AGBL4: variants seen among roughly 807,000 people sequenced by gnomAD.
AGBL4 encodes AGBL carboxypeptidase 4.
In AGBL4, 58 loss-of-function variants were observed where a neutral mutation model predicts 66.4. That is an observed-to-expected ratio of 0.87 (90% CI 0.71 to 1.09). The LOEUF (loss-of-function observed/expected upper bound fraction) is 1.09, where lower values mean the gene tolerates loss of function less well. AGBL4 is among the 50% of genes least tolerant of loss of function. AGBL4 has a pLI of 0.00. For synonymous variants in AGBL4, 234 were observed against 222.9 expected (o/e 1.05, Z -0.44); for missense variants, 579 against 631.0 (o/e 0.92, Z 0.88).
intron 3 of AGBL4, among the ~76,000 whole-genome samples, chr1:49,418,816 G>A (rs1338607259): frequency 2.0e-5 from 3 of 152,218 alleles, no homozygotes; most frequent in African/African-American, 7.2e-5. Flanking sequence ...CGGCATGGTA[G>A]GCCTTGTAAG....
Position 48,668,988 on chromosome 1 carries a change from G to A in AGBL4, c.635-5747C>T, listed in dbSNP as rs1646233953. On this transcript the variant is annotated intron_variant, in intron 6 of 13. Transcript: ENST00000371839. ...CATTCAGGGTTAGCTCTGCCTCAGT[G>A]TTTGATGGGTGGATCCAACAAGAGG... Among the ~76,000 whole-genome samples, 2 of 152,198 alleles carry A rather than the reference G, an allele frequency of 1.3e-5. 1 individual carries two copies. Among genetic ancestry groups the A allele is most frequent in the African/African-American group, 4.8e-5 (2 of 41,466 alleles).
At chr1:49,119,754 G>T (rs909142846) in intron 4 of AGBL4, among the ~76,000 whole-genome samples, 1 of 152,112 alleles carries the variant, frequency 6.6e-6, no homozygotes, top group African/African-American at 2.4e-5. Flanking sequence ...GGATATCTTT[G>T]TTACCCTGCT....
chr1:48,779,625 C>T (rs1317831580), intron 6 of AGBL4, among the ~76,000 whole-genome samples: 1 of 151,722 alleles, frequency 6.6e-6, no homozygotes, highest in Non-Finnish European at 1.5e-5. Flanking sequence ...GTTTATAAAA[C>T]AAATGTATTA....
At chr1:49,512,576 C>A (rs901891379) in intron 3 of AGBL4, among the ~76,000 whole-genome samples, 7 of 151,822 alleles carry the variant, frequency 4.6e-5, no homozygotes, top group Non-Finnish European at 7.4e-5. Context: ...CACCATGTGA[C>A]ATACCTGCTC....
At chr1:49,168,301 G>A (rs1214120084) in intron 4 of AGBL4, among the ~76,000 whole-genome samples, 2 of 152,136 alleles carry the variant, frequency 1.3e-5, no homozygotes, top group South Asian at 2.1e-4. Flanking sequence ...TAATGTAAAT[G>A]TCCAGTGTTT....
At chr1:49,700,835 G>T (rs1016498224) in intron 2 of AGBL4, among the ~76,000 whole-genome samples, 2 of 151,828 alleles carry the variant, frequency 1.3e-5, no homozygotes, top group African/African-American at 4.8e-5. Context: ...TACACATGTG[G>T]ATAAAGATCA....
intron 4 of AGBL4, among the ~76,000 whole-genome samples, chr1:49,161,046 C>A (rs570147498): frequency 6.6e-6 from 1 of 152,276 alleles, no homozygotes; most frequent in African/African-American, 2.4e-5. Flanking sequence ...AGCCCCCTTT[C>A]CAGGGGAGTG....
chr1:49,642,073 A>G (rs1313571165), intron 3 of AGBL4, among the ~76,000 whole-genome samples: 2 of 152,040 alleles, frequency 1.3e-5, no homozygotes, highest in African/African-American at 4.8e-5. Context: ...GGGAGCAATT[A>G]GAGTAATATT....
intron 3 of AGBL4, among the ~76,000 whole-genome samples, chr1:49,346,333 G>A (rs1228912947): frequency 1.3e-5 from 2 of 152,134 alleles, no homozygotes; most frequent in Admixed American, 1.3e-4. Flanking sequence ...CTGCTCAGAG[G>A]AAACAAGAGG....
chr1:48,628,919 T>A (rs1408979401), intron 9 of AGBL4, among the ~76,000 whole-genome samples: 1 of 144,976 alleles, frequency 6.9e-6, no homozygotes, highest in Admixed American at 7.2e-5. Context: ...TGCCTGGAAT[T>A]AAAATTTCAT....
At position 49,461,439 on chromosome 1, in the gene AGBL4, G is replaced by A. The variant is rs140885190; in HGVS notation, c.283-215575C>T. 3.6e-4 allele frequency among the ~76,000 whole-genome samples: 53 copies of A among 148,710 alleles called. No individual in the cohort carries two copies. In the East Asian group the frequency reaches 7.6e-3, roughly 21 times the overall value. ...TTCTCTAAGTGTCTCCTTGATTTCCGGAAGTTGTGATTTTTTTTTTATTTA... is the reference window on the plus strand; with the variant it reads ...TTCTCTAAGTGTCTCCTTGATTTCCAGAAGTTGTGATTTTTTTTTTATTTA... On this transcript the variant is annotated intron_variant, in intron 3 of 13. Coordinates refer to ENST00000371839, the MANE Select transcript of AGBL4 (RefSeq NM_032785.4).
At chr1:48,935,826 G>C (rs1175143941) in intron 5 of AGBL4, among the ~76,000 whole-genome samples, 1 of 151,422 alleles carries the variant, frequency 6.6e-6, no homozygotes, top group African/African-American at 2.4e-5. Context: ...GGGCGTGGTA[G>C]CAGGCACCTG....
At chr1:49,628,523 T>C (rs888889278) in intron 3 of AGBL4, among the ~76,000 whole-genome samples, 1 of 152,192 alleles carries the variant, frequency 6.6e-6, no homozygotes, top group Non-Finnish European at 1.5e-5. Flanking sequence ...ACTGCACCTC[T>C]AAAGTCTACA....
intron 1 of AGBL4, among the ~76,000 whole-genome samples, chr1:49,905,186 T>G (rs1650156150): frequency 6.6e-6 from 1 of 152,170 alleles, no homozygotes; most frequent in Non-Finnish European, 1.5e-5. Context: ...CACAAATGTT[T>G]CTCTAATATT....
chr1:48,896,281 A>C (rs909367738), intron 5 of AGBL4, among the ~76,000 whole-genome samples: 2 of 152,186 alleles, frequency 1.3e-5, no homozygotes, highest in Non-Finnish European at 2.9e-5. Flanking sequence ...CTTTGGACAA[A>C]GTCTAAGCTC....
chr1:49,071,937 G>T (rs1264406373), intron 4 of AGBL4, among the ~76,000 whole-genome samples: 1 of 152,016 alleles, frequency 6.6e-6, no homozygotes, highest in African/African-American at 2.4e-5. Context: ...CCTGTATTGG[G>T]TGCATATATA....
At chr1:49,318,849 T>C (rs1645084263) in intron 3 of AGBL4, among the ~76,000 whole-genome samples, 1 of 152,104 alleles carries the variant, frequency 6.6e-6, no homozygotes, top group African/African-American at 2.4e-5. Flanking sequence ...ATCTTACAAG[T>C]ATCTTGCTTA....
intron 2 of AGBL4, among the ~76,000 whole-genome samples, chr1:49,715,497 G>C (rs1310552529): frequency 6.6e-6 from 1 of 152,040 alleles, no homozygotes; most frequent in Non-Finnish European, 1.5e-5. Context: ...GGGATTGCTG[G>C]GTCAAATGGT....
chr1:49,836,447 A>G (rs939473116), intron 2 of AGBL4, among the ~76,000 whole-genome samples: 2 of 152,238 alleles, frequency 1.3e-5, no homozygotes, highest in African/African-American at 2.4e-5. Flanking sequence ...GTTCTTCTCT[A>G]AACTGATTAT....
Sources: allele counts gnomAD v4.1 joint callset (sites outside exome capture counted in the v4.1 genomes callset), GRCh38; gene constraint gnomAD v4.1.1; transcripts MANE v1.5; gene names NCBI Gene and HGNC (gene_info 2026-07-23, HGNC 2026-07-21).